The following KCNAB1 variants were observed in gnomAD, a reference collection of about 807,000 sequenced individuals.
The protein encoded by KCNAB1 is voltage-gated potassium channel subunit beta-1.
A neutral mutation model predicts 64.6 loss-of-function variants in KCNAB1; 35 were observed. The ratio of observed to expected loss-of-function variants is 0.54; its 90% CI spans 0.41 to 0.72. The LOEUF is 0.72. Ranked by LOEUF, KCNAB1 falls within the 30% of genes least tolerant of loss-of-function variation. The pLI, the probability that KCNAB1 is intolerant of heterozygous loss-of-function variation, is 0.00. For synonymous variants in KCNAB1, 177 were observed against 183.8 expected (o/e 0.96, Z 0.30); for missense variants, 401 against 512.9 (o/e 0.78, Z 2.11).
At chr3:156,170,780 A>G (rs1481659144) in intron 1 of KCNAB1, among the ~76,000 whole-genome samples, 1 of 152,222 alleles carries the variant, frequency 6.6e-6, no homozygotes, top group Non-Finnish European at 1.5e-5. Flanking sequence ...GAACAAATGT[A>G]AAGCAAAGTG....
At chr3:156,506,936 A>T (rs1716872174) in intron 8 of KCNAB1, among the ~76,000 whole-genome samples, 1 of 152,228 alleles carries the variant, frequency 6.6e-6, no homozygotes, top group Non-Finnish European at 1.5e-5. Context: ...ACTCATCATG[A>T]ACTATAGCCA....
chr3:156,357,811 TATTTA>T (rs1725360764), intron 1 of KCNAB1, among the ~76,000 whole-genome samples: 1 of 148,606 alleles, frequency 6.7e-6, no homozygotes, highest in Non-Finnish European at 1.5e-5. Context: ...AAATATTATA[TATTTA>T]ATTATATATT....
chr3:156,523,227 A>G (rs1718073600), intron 11 of KCNAB1, among the ~76,000 whole-genome samples: 1 of 152,198 alleles, frequency 6.6e-6, no homozygotes, highest in Admixed American at 6.5e-5. Flanking sequence ...TCTACTTTAA[A>G]ATTTTAAAAA....
chr3:156,357,844 T>G (rs558730372), intron 1 of KCNAB1, among the ~76,000 whole-genome samples: 37 of 147,728 alleles, frequency 2.5e-4, no homozygotes, highest in African/African-American at 8.4e-4. Flanking sequence ...TACTATAGTT[T>G]TTATACTAAA....
intron 1 of KCNAB1, among the ~76,000 whole-genome samples, chr3:156,283,176 C>T (rs981908181): frequency 4.6e-5 from 7 of 151,428 alleles, no homozygotes; most frequent in Non-Finnish European, 1.0e-4. Context: ...GACAAAATCT[C>T]TCAGCATTTG....
At chr3:156,359,959 T>C (rs1725494853) in intron 1 of KCNAB1, among the ~76,000 whole-genome samples, 1 of 152,238 alleles carries the variant, frequency 6.6e-6, no homozygotes, top group Non-Finnish European at 1.5e-5. Flanking sequence ...CATTGGAGCC[T>C]CTATTTCTTC....
downstream of KCNAB1, chr3:156,538,704 A>C (rs1719246775): frequency 6.6e-6 from 1 of 152,252 alleles, no homozygotes. Flanking sequence ...AAATTAGGCA[A>C]TAATCATCTA....
intron 1 of KCNAB1, among the ~76,000 whole-genome samples, chr3:156,239,278 CTG>C (rs1387406303): frequency 1.3e-5 from 2 of 152,178 alleles, no homozygotes; most frequent in African/African-American, 2.4e-5. Flanking sequence ...GGGCAGCACA[CTG>C]TTTCTTTTTA....
chr3:156,450,770 T>C (rs1408403865), intron 2 of KCNAB1, among the ~76,000 whole-genome samples: 2 of 152,224 alleles, frequency 1.3e-5, no homozygotes, highest in Non-Finnish European at 2.9e-5. Context: ...CTTTTCTGTG[T>C]AGCAGTCAAA....
chr3:156,390,295 C>T (rs930723419), intron 1 of KCNAB1, among the ~76,000 whole-genome samples: 5 of 152,056 alleles, frequency 3.3e-5, no homozygotes, highest in South Asian at 2.1e-4. Flanking sequence ...GCCTGGGTGT[C>T]GGTTGTGTAG....
intron 1 of KCNAB1, among the ~76,000 whole-genome samples, chr3:156,127,884 GGTGTGTGT>G (rs10576749): frequency 1.1e-4 from 16 of 147,660 alleles, no homozygotes; most frequent in African/African-American, 2.7e-4. Context: ...CTTCATTTGG[GGTGTGTGT>G]GTGTGTGTGT....
rs745575684 is a variant in KCNAB1 at position 156,536,808 on chromosome 3, A to G, written c.*61A>G. ...ATAGCGGCCTGTGCCCAGTACAGAA[A>G]GGTGTTACTAACCAGTCTTTTGAAT... is the stretch of plus-strand genomic sequence containing the variant. On this transcript the variant is annotated 3_prime_UTR_variant, in exon 14 of 14. Coordinates refer to ENST00000490337, the MANE Select transcript of KCNAB1 (RefSeq NM_172160.3). 6.2e-6 allele frequency: 7 copies of G among 1,134,370 alleles called. No homozygotes were observed. The highest frequency in any genetic ancestry group is 9.4e-6 in the Non-Finnish European group (7 of 745,898). The allele number at this position is 1,134,370 out of a possible 1,614,324, so 70.3% of individuals were successfully genotyped here. A position where few individuals can be genotyped will look rare whatever the true frequency, so the allele number is the denominator to read the frequency against.
intron 1 of KCNAB1, among the ~76,000 whole-genome samples, chr3:156,150,505 C>A (rs548294305): frequency 6.6e-6 from 1 of 152,040 alleles, no homozygotes; most frequent in African/African-American, 2.4e-5. Flanking sequence ...GGGATCCGTG[C>A]TTTCTTATAT....
chr3:156,425,949 C>T (rs1433051049), intron 2 of KCNAB1, among the ~76,000 whole-genome samples: 1 of 152,000 alleles, frequency 6.6e-6, no homozygotes, highest in Admixed American at 6.5e-5. Flanking sequence ...AGGTTTAAGA[C>T]AGGAAGCAAT....
chr3:156,185,753 G>A (rs879099779), intron 1 of KCNAB1, among the ~76,000 whole-genome samples: 7 of 151,298 alleles, frequency 4.6e-5, no homozygotes, highest in Non-Finnish European at 5.9e-5. Context: ...TTTTTTTCTC[G>A]TATAGGGAGG....
chr3:156,456,786 A>G (rs537771486), intron 3 of KCNAB1: 1 of 152,582 alleles, frequency 6.6e-6, no homozygotes, highest in South Asian at 2.1e-4. Flanking sequence ...GTGTATAGCT[A>G]TTCTGTACTC....
intron 12 of KCNAB1, among the ~76,000 whole-genome samples, chr3:156,527,161 T>G (rs1718367361): frequency 6.6e-6 from 1 of 152,172 alleles, no homozygotes; most frequent in Admixed American, 6.5e-5. Context: ...AATCAAACAA[T>G]GTATTTAATG....
chr3:156,223,506 A>C (rs1457697147), intron 1 of KCNAB1, among the ~76,000 whole-genome samples: 1 of 152,204 alleles, frequency 6.6e-6, no homozygotes, highest in African/African-American at 2.4e-5. Context: ...TCCCCACTAG[A>C]TTAGCTAGAC....
At chr3:156,317,030 A>G (rs1444707094) in intron 1 of KCNAB1, among the ~76,000 whole-genome samples, 1 of 152,230 alleles carries the variant, frequency 6.6e-6, no homozygotes, top group Non-Finnish European at 1.5e-5. Context: ...TAAGTTCTCA[A>G]TAAATGTTAG....
Sources: allele counts gnomAD v4.1 joint callset (sites outside exome capture counted in the v4.1 genomes callset), GRCh38; gene constraint gnomAD v4.1.1; transcripts MANE v1.5; gene names NCBI Gene and HGNC (gene_info 2026-07-23, HGNC 2026-07-21).